The following GPC6 variants were observed in gnomAD, a reference collection of about 807,000 sequenced individuals.
The protein encoded by GPC6 is glypican 6, also known as glypican-6.
Under a neutral mutation model 55.2 loss-of-function variants are expected in GPC6, and 14 were observed. The observed-to-expected ratio is 0.25, with a 90% confidence interval of 0.17 to 0.40. The LOEUF (loss-of-function observed/expected upper bound fraction) is 0.40, where lower values mean the gene tolerates loss of function less well. Among genes scored for constraint, GPC6 ranks in the 10% least tolerant of loss-of-function variants. GPC6 has a pLI of 1.00. For synonymous variants in GPC6, 278 were observed against 259.6 expected (o/e 1.07, Z -0.68); for missense variants, 641 against 708.5 (o/e 0.90, Z 1.08).
intron 3 of GPC6, among the ~76,000 whole-genome samples, chr13:93,855,086 T>G (rs1888553038): frequency 6.6e-6 from 1 of 151,654 alleles, no homozygotes; most frequent in Non-Finnish European, 1.5e-5. Flanking sequence ...TTGTACATTT[T>G]GTAGGTTTGG....
chr13:93,742,243 G>A (rs1279092045), intron 2 of GPC6, among the ~76,000 whole-genome samples: 2 of 152,136 alleles, frequency 1.3e-5, no homozygotes, highest in African/African-American at 2.4e-5. Flanking sequence ...CATGTAAAGT[G>A]TGCCAAATAA....
At chr13:94,294,988 A>G (rs1313531125) in intron 5 of GPC6, among the ~76,000 whole-genome samples, 1 of 152,218 alleles carries the variant, frequency 6.6e-6, no homozygotes, top group Non-Finnish European at 1.5e-5. Context: ...GAAGCAGTAC[A>G]TTGTGCTGAG....
At chr13:94,221,413 G>A (rs1890379714) in intron 4 of GPC6, among the ~76,000 whole-genome samples, 1 of 152,030 alleles carries the variant, frequency 6.6e-6, no homozygotes, top group South Asian at 2.1e-4. Flanking sequence ...TTGCAACCAT[G>A]AGGGAAAAAA....
rs1013184385 is a variant in GPC6 at position 93,490,512 on chromosome 13, G to A, written c.161-54751G>A. ...TGATTTTTTTTTCTTTTTTTTTTTT[G>A]AGTTTTTTTTTTTTTTATTATTATA... On this transcript the variant is annotated intron_variant, in intron 1 of 8. Transcript: ENST00000377047. 2.3e-3 allele frequency among the ~76,000 whole-genome samples: 21 copies of A among 9,178 alleles called. No individual in the cohort carries two copies. In the East Asian group the frequency reaches 0.061, roughly 26 times the overall value. 6.0% of individuals were successfully genotyped at this position (9,178 alleles called of 152,430 possible). A position where few individuals can be genotyped will look rare whatever the true frequency, so the allele number is the denominator to read the frequency against.
chr13:94,328,371 A>G (rs572444120), intron 6 of GPC6, among the ~76,000 whole-genome samples: 1 of 152,318 alleles, frequency 6.6e-6, no homozygotes, highest in Non-Finnish European at 1.5e-5. Context: ...GACTACTCTT[A>G]ATTAGACATG....
intron 4 of GPC6, among the ~76,000 whole-genome samples, chr13:94,284,865 TAA>T (rs10545616): frequency 0.14 from 20,284 of 141,380 alleles, 1,418 homozygotes; most frequent in Middle Eastern, 0.24. Context: ...TTGTGGATAA[TAA>T]AAAAAAAAAA....
At chr13:94,342,579 G>A (rs1314842957) in intron 6 of GPC6, among the ~76,000 whole-genome samples, 12 of 152,184 alleles carry the variant, frequency 7.9e-5, no homozygotes, top group Non-Finnish European at 2.9e-5. Flanking sequence ...CGGGCATCCA[G>A]AAGTGTGAGA....
intron 3 of GPC6, among the ~76,000 whole-genome samples, chr13:93,974,790 A>C (rs971694679): frequency 1.3e-5 from 2 of 152,116 alleles, no homozygotes; most frequent in Non-Finnish European, 2.9e-5. Flanking sequence ...TTGGAATCGA[A>C]ACTATTATTA....
chr13:93,555,260 A>C (rs1188910664), intron 2 of GPC6, among the ~76,000 whole-genome samples: 1 of 152,078 alleles, frequency 6.6e-6, no homozygotes, highest in Admixed American at 6.6e-5. Context: ...TGTTCTTGTA[A>C]TAGTATTCTT....
At chr13:93,284,803 A>G (rs746820565) in intron 1 of GPC6, among the ~76,000 whole-genome samples, 3 of 152,228 alleles carry the variant, frequency 2.0e-5, no homozygotes, top group Non-Finnish European at 4.4e-5. Context: ...GATAAGTACA[A>G]TAATAATGAA....
intron 2 of GPC6, among the ~76,000 whole-genome samples, chr13:93,689,092 C>G (rs1882158682): frequency 6.6e-6 from 1 of 151,948 alleles, no homozygotes; most frequent in Admixed American, 6.6e-5. Flanking sequence ...GAGTTATTTT[C>G]TCTACAGGGT....
At chr13:93,357,767 T>A (rs1472482496) in intron 1 of GPC6, among the ~76,000 whole-genome samples, 2 of 152,156 alleles carry the variant, frequency 1.3e-5, no homozygotes, top group Admixed American at 6.5e-5. Flanking sequence ...TCCAGGAGAT[T>A]GAGGCTACAG....
At chr13:93,505,405 ACT>A (rs1169503330) in intron 1 of GPC6, among the ~76,000 whole-genome samples, 1 of 151,008 alleles carries the variant, frequency 6.6e-6, no homozygotes, top group Non-Finnish European at 1.5e-5. Flanking sequence ...CTGTTTAAAA[ACT>A]CTCATTCTCT....
intron 2 of GPC6, among the ~76,000 whole-genome samples, chr13:93,638,843 A>G (rs938770895): frequency 5.9e-5 from 9 of 152,186 alleles, no homozygotes; most frequent in African/African-American, 2.2e-4. Flanking sequence ...CTGGTTAATA[A>G]TGTTGTAAGT....
chr13:93,556,385 TGTGTG>T (rs1875470347), intron 2 of GPC6, among the ~76,000 whole-genome samples: 1 of 133,348 alleles, frequency 7.5e-6, no homozygotes, highest in Non-Finnish European at 1.6e-5. Flanking sequence ...TGTGTGTGTG[TGTGTG>T]TGTGTATGTA....
At position 93,227,760 on chromosome 13, in the gene GPC6, T is replaced by C; in HGVS notation, c.160+144T>C. ...GCTATGGGACTCCGCGTCTCCGTGT[T>C]GGGCGGCGGATGCTCCTGCGGCTTC... On this transcript the variant is annotated intron_variant, in intron 1 of 8. Transcript: ENST00000377047. This position sits in a 1 kb window ranked among gnomAD's most constrained non-coding sequence, Gnocchi z 4.3. The C allele has an allele frequency of 1.5e-6, 1 of 663,126 alleles. No homozygotes were observed. The highest frequency in any genetic ancestry group is 2.8e-5 in the East Asian group (1 of 35,632). The allele number at this position is 663,126 out of a possible 1,614,324, so 41.1% of individuals were successfully genotyped here.
chr13:94,239,444 G>A (rs1467601733), intron 4 of GPC6, among the ~76,000 whole-genome samples: 1 of 152,098 alleles, frequency 6.6e-6, no homozygotes, highest in East Asian at 1.9e-4. Flanking sequence ...CACCGTCATT[G>A]TTAAGAATAA....
chr13:93,555,358 C>G (rs552479115), intron 2 of GPC6, among the ~76,000 whole-genome samples: 1 of 152,290 alleles, frequency 6.6e-6, no homozygotes, highest in East Asian at 1.9e-4. Flanking sequence ...ATTTTATCTT[C>G]CTATACCTGA....
intron 4 of GPC6, among the ~76,000 whole-genome samples, chr13:94,234,338 A>T (rs1420477382): frequency 1.3e-5 from 2 of 152,132 alleles, no homozygotes; most frequent in Non-Finnish European, 2.9e-5. Flanking sequence ...TATCTGTTGT[A>T]TTAATACTAG....
Sources: gnomAD v4.1 joint callset for allele counts (sites outside exome capture counted in the v4.1 genomes callset) on GRCh38, gnomAD v4.1.1 for gene constraint, Gnocchi (gnomAD v3.1) non-coding constraint, MANE v1.5 for transcripts, NCBI Gene and HGNC (gene_info 2026-07-23, HGNC 2026-07-21) for gene names.